The following PPP3CA variants were observed in gnomAD, a reference collection of about 807,000 sequenced individuals.
PPP3CA encodes protein phosphatase 3 catalytic subunit alpha.
Under a neutral mutation model 66.5 loss-of-function variants are expected in PPP3CA, and 14 were observed. That is an observed-to-expected ratio of 0.21 (90% CI 0.14 to 0.33). PPP3CA has a LOEUF of 0.33. Among genes scored for constraint, PPP3CA ranks in the 10% least tolerant of loss-of-function variants. PPP3CA has a pLI of 1.00. For missense variants in PPP3CA, 317 were observed against 639.5 expected, an observed-to-expected ratio of 0.50 and a Z score of 5.44; for synonymous variants, 232 against 226.2, an observed-to-expected ratio of 1.03 and a Z score of -0.23.
intron 1 of PPP3CA, among the ~76,000 whole-genome samples, chr4:101,236,595 T>C (rs1401057451): frequency 6.6e-6 from 1 of 152,046 alleles, no homozygotes; most frequent in African/African-American, 2.4e-5. Context: ...GCCAGTCCTT[T>C]GCCTTGATCT....
At chr4:101,085,835 TACACACACACAC>T (rs60331979) in intron 6 of PPP3CA, among the ~76,000 whole-genome samples, 1 of 143,870 alleles carries the variant, frequency 7.0e-6, no homozygotes, top group Non-Finnish European at 1.6e-5. Flanking sequence ...ACTGCGTATA[TACACACACACAC>T]ACACACACAC....
intron 1 of PPP3CA, among the ~76,000 whole-genome samples, chr4:101,285,981 G>C (rs553383456): frequency 6.6e-6 from 1 of 152,274 alleles, no homozygotes; most frequent in South Asian, 2.1e-4. Flanking sequence ...AACTGTTTTG[G>C]TGCCAGGGAC....
intron 1 of PPP3CA, among the ~76,000 whole-genome samples, chr4:101,311,848 A>C (rs919325119): frequency 5.9e-5 from 9 of 152,158 alleles, no homozygotes; most frequent in African/African-American, 2.2e-4. Flanking sequence ...TCAGGTTCTG[A>C]ACATACAACC....
rs77178174 is a variant in PPP3CA, at chr4:101,341,398, T to C, written c.58+5341A>G. On this transcript the variant is annotated intron_variant, in intron 1 of 13. Transcript: ENST00000394854. ...TTTACACTTACCTGTAACCATTCTA[T>C]CTATTCTGTCTCCACTTCTTTAACT... Among the ~76,000 whole-genome samples, 1,301 of 152,236 alleles carry C rather than the reference T, an allele frequency of 8.5e-3. 18 individuals are homozygous for C. Among genetic ancestry groups the C allele is most frequent in the Middle Eastern group, 0.031 (9 of 294 alleles).
chr4:101,070,246 A>T (rs1312929726), intron 8 of PPP3CA, among the ~76,000 whole-genome samples: 1 of 152,098 alleles, frequency 6.6e-6, no homozygotes, highest in Non-Finnish European at 1.5e-5. Flanking sequence ...TGAAGAAAAA[A>T]CCTAAGGAAT....
chr4:101,227,998 TC>T (rs1200556841), intron 1 of PPP3CA, among the ~76,000 whole-genome samples: 1 of 151,694 alleles, frequency 6.6e-6, no homozygotes, highest in Non-Finnish European at 1.5e-5. Flanking sequence ...TGACTTCATG[TC>T]TTTGCTATGA....
At chr4:101,195,771 T>C in intron 2 of PPP3CA, 145 bp downstream of exon 2, 1 of 643,072 alleles carries the variant, frequency 1.6e-6, no homozygotes, top group Admixed American at 3.1e-5. Flanking sequence ...TATAATATAC[T>C]TACTACTCTA....
intron 2 of PPP3CA, among the ~76,000 whole-genome samples, chr4:101,151,652 C>CTTTTTT (rs369745312): frequency 2.2e-4 from 19 of 84,824 alleles, no homozygotes; most frequent in African/African-American, 3.4e-4. Context: ...CCAAGGTTTC[C>CTTTTTT]TTTTTTTTTT....
At chr4:101,278,827 C>T (rs1042481825) in intron 1 of PPP3CA, among the ~76,000 whole-genome samples, 1 of 152,188 alleles carries the variant, frequency 6.6e-6, no homozygotes, top group Admixed American at 6.5e-5. Flanking sequence ...CAATCACCCC[C>T]GTGGACATCT....
intron 1 of PPP3CA, among the ~76,000 whole-genome samples, chr4:101,232,050 T>C (rs973357113): frequency 5.3e-5 from 8 of 151,670 alleles, no homozygotes; most frequent in African/African-American, 1.5e-4. Context: ...CATCATCAAA[T>C]TGACCTCTGT....
intron 2 of PPP3CA, among the ~76,000 whole-genome samples, chr4:101,154,558 T>C (rs1723248365): frequency 1.3e-5 from 2 of 152,188 alleles, no homozygotes; most frequent in African/African-American, 2.4e-5. Flanking sequence ...AGAAGTAATA[T>C]TTAAATTCCA....
At chr4:101,051,265 A>C (rs984939776) in intron 10 of PPP3CA, among the ~76,000 whole-genome samples, 1 of 152,252 alleles carries the variant, frequency 6.6e-6, no homozygotes, top group South Asian at 2.1e-4. Flanking sequence ...TTAAAATTTA[A>C]ATTTTGTGGA....
chr4:101,298,907 A>G (rs1329900338), intron 1 of PPP3CA, among the ~76,000 whole-genome samples: 3 of 149,486 alleles, frequency 2.0e-5, no homozygotes, highest in African/African-American at 7.4e-5. Context: ...GCATTGCTTT[A>G]TGATGGGGAT....
At chr4:101,028,721 T>A (rs1726782603) in intron 13 of PPP3CA, among the ~76,000 whole-genome samples, 1 of 152,202 alleles carries the variant, frequency 6.6e-6, no homozygotes, top group Admixed American at 6.5e-5. Context: ...CAAAGCACTA[T>A]TTAAATGAAC....
At chr4:101,287,228 A>G (rs1261003774) in intron 1 of PPP3CA, among the ~76,000 whole-genome samples, 1 of 152,222 alleles carries the variant, frequency 6.6e-6, no homozygotes, top group African/African-American at 2.4e-5. Context: ...TAGCTAATTT[A>G]CCTTGTTTTA....
At chr4:101,318,013 T>C (rs6532924) in intron 1 of PPP3CA, among the ~76,000 whole-genome samples, 17,367 of 152,258 alleles carry the variant, frequency 0.11, 3,325 homozygotes, top group African/African-American at 0.39. Flanking sequence ...ACAAATATTG[T>C]CTATTATTAT....
intron 2 of PPP3CA, among the ~76,000 whole-genome samples, chr4:101,136,676 C>T (rs73833222): frequency 0.15 from 23,340 of 151,584 alleles, 2,123 homozygotes; most frequent in African/African-American, 0.24. Context: ...GAAAATATAA[C>T]AGGCTTCATC....
At chr4:101,251,771 T>C (rs981049488) in intron 1 of PPP3CA, among the ~76,000 whole-genome samples, 2 of 152,150 alleles carry the variant, frequency 1.3e-5, no homozygotes, top group Non-Finnish European at 2.9e-5. Flanking sequence ...AGAGATGAAG[T>C]GTACACTGCG....
At chr4:101,068,371 A>G (rs773397857) in intron 8 of PPP3CA, among the ~76,000 whole-genome samples, 9 of 152,170 alleles carry the variant, frequency 5.9e-5, no homozygotes, top group South Asian at 4.1e-4. Flanking sequence ...TCACGAAAGG[A>G]GGCATAATGC....
Sources: gnomAD v4.1 joint callset for allele counts (sites outside exome capture counted in the v4.1 genomes callset) on GRCh38, gnomAD v4.1.1 for gene constraint, MANE v1.5 for transcripts, NCBI Gene and HGNC (gene_info 2026-07-23, HGNC 2026-07-21) for gene names.